CDK14: variants seen among roughly 807,000 people sequenced by gnomAD.
The protein encoded by CDK14 is cyclin dependent kinase 14.
CDK14 carries 34 observed loss-of-function variants against 60.7 expected under a neutral mutation model. The ratio of observed to expected loss-of-function variants is 0.56; its 90% confidence interval spans 0.43 to 0.75. CDK14 has a LOEUF of 0.75. Ranked by LOEUF, CDK14 falls within the 30% of genes least tolerant of loss-of-function variation. The pLI is 0.00. For missense variants in CDK14, 482 were observed against 564.1 expected, an observed-to-expected ratio of 0.85 and a Z score of 1.47; for synonymous variants, 197 against 203.7, an observed-to-expected ratio of 0.97 and a Z score of 0.28.
At chr7:90,781,176 G>A (rs1013415441) in intron 4 of CDK14, among the ~76,000 whole-genome samples, 3 of 152,216 alleles carry the variant, frequency 2.0e-5, no homozygotes. Flanking sequence ...GTGATAGTGA[G>A]CATTTTTTCA....
intron 12 of CDK14, among the ~76,000 whole-genome samples, chr7:91,110,701 A>G (rs1258597754): frequency 6.6e-6 from 1 of 152,122 alleles, no homozygotes; most frequent in Non-Finnish European, 1.5e-5. Flanking sequence ...TTTTAATAAT[A>G]GTTATTTGTC....
chr7:90,900,964 T>C (rs988277205), intron 7 of CDK14, among the ~76,000 whole-genome samples: 18 of 152,180 alleles, frequency 1.2e-4, no homozygotes, highest in Non-Finnish European at 1.9e-4. Context: ...CCACTGACAT[T>C]GATGAATTTT....
chr7:90,860,165 T>C lies in CDK14; in HGVS notation c.545-3010T>C, dbSNP rs750424766. ...TTATGAGTGTATAAATGCTCATATA[T>C]TGATTTAATAAAGGTTTCTGTTACT... On this transcript the variant is annotated intron_variant, in intron 5 of 14. Coordinates refer to ENST00000380050, the MANE Select transcript of CDK14 (RefSeq NM_001287135.2). Among the ~76,000 whole-genome samples the C allele has an allele frequency of 2.0e-3, 302 of 152,236 alleles. 1 individual carries two copies. The highest frequency in any genetic ancestry group is 3.9e-3 in the Non-Finnish European group (262 of 68,018).
At chr7:91,147,390 G>A (rs1800687668) in intron 14 of CDK14, among the ~76,000 whole-genome samples, 1 of 151,910 alleles carries the variant, frequency 6.6e-6, no homozygotes, top group South Asian at 2.1e-4. Context: ...GATGGAAAAT[G>A]TTGGTTTGAC....
chr7:90,623,090 TA>T (rs1799807782), intron 2 of CDK14, among the ~76,000 whole-genome samples: 1 of 151,442 alleles, frequency 6.6e-6, no homozygotes, highest in Non-Finnish European at 1.5e-5. Context: ...TATATATTTT[TA>T]AAAATTCTTT....
chr7:90,986,545 T>G (rs549505534), intron 10 of CDK14, among the ~76,000 whole-genome samples: 29 of 152,136 alleles, frequency 1.9e-4, no homozygotes, highest in African/African-American at 5.8e-4. Flanking sequence ...ATGTACAGTT[T>G]GTATAAACAT....
rs79381398 is a variant in CDK14, at chr7:90,689,040, C to T, written c.124-37527C>T. ...TGCTTGCCTTTGTGGAGCTTGAGCT[C>T]TGTCCTCCACCGCTCCTCCACTGTC... On this transcript the variant is annotated intron_variant, in intron 2 of 14. Transcript: ENST00000380050. 3.6e-3 allele frequency among the ~76,000 whole-genome samples: 543 copies of T among 152,216 alleles called. 3 individuals are homozygous for T. The highest frequency in any genetic ancestry group is 0.012 in the African/African-American group (508 of 41,528).
intron 9 of CDK14, among the ~76,000 whole-genome samples, chr7:90,972,677 T>A (rs1794963649): frequency 6.6e-6 from 1 of 152,250 alleles, no homozygotes; most frequent in Non-Finnish European, 1.5e-5. Flanking sequence ...TCCCTGTGTG[T>A]TAAATTTAGA....
intron 12 of CDK14, among the ~76,000 whole-genome samples, chr7:91,091,996 A>G (rs1428437121): frequency 6.6e-6 from 1 of 152,108 alleles, no homozygotes; most frequent in African/African-American, 2.4e-5. Context: ...AGTTATAAGT[A>G]GTTGGACCCC....
At chr7:90,845,999 C>CT (rs1202182484) in intron 5 of CDK14, among the ~76,000 whole-genome samples, 3 of 152,108 alleles carry the variant, frequency 2.0e-5, no homozygotes, top group Middle Eastern at 6.8e-3. Flanking sequence ...ACTCTCCTGT[C>CT]TTTTTTTATA....
intron 1 of CDK14, among the ~76,000 whole-genome samples, chr7:90,601,946 GTA>G (rs1256779271): frequency 6.6e-6 from 1 of 151,628 alleles, no homozygotes; most frequent in Non-Finnish European, 1.5e-5. Context: ...ATGTATGTAT[GTA>G]TGTATGTATG....
intron 5 of CDK14, among the ~76,000 whole-genome samples, chr7:90,791,160 C>T (rs1028915377): frequency 6.6e-6 from 1 of 151,858 alleles, no homozygotes; most frequent in Non-Finnish European, 1.5e-5. Flanking sequence ...GTGATATTTT[C>T]CTCTAGTCTG....
intron 13 of CDK14, among the ~76,000 whole-genome samples, chr7:91,113,470 G>T (rs1799528950): frequency 6.6e-6 from 1 of 152,150 alleles, no homozygotes; most frequent in Non-Finnish European, 1.5e-5. Context: ...TTCTTCCAGA[G>T]TGTGAAACAG....
intron 14 of CDK14, among the ~76,000 whole-genome samples, chr7:91,180,484 A>T (rs1801967262): frequency 7.3e-6 from 1 of 136,414 alleles, no homozygotes; most frequent in South Asian, 2.1e-4. Flanking sequence ...ATACATGCAT[A>T]GAAAGAAGAC....
intron 10 of CDK14, among the ~76,000 whole-genome samples, chr7:91,017,706 G>A (rs79684429): frequency 0.012 from 1,775 of 152,270 alleles, 43 homozygotes; most frequent in African/African-American, 0.04. Flanking sequence ...GTATCACAGC[G>A]TCTGGAAGGG....
rs202072925 is a variant in CDK14 at position 90,864,129 on chromosome 7, TA to T, written c.639+871del. ...ATTTGAAGTACTTTCCATTTTTCCT[TA>T]AAAAAAAAAAGAATGAATATTTGCA... On this transcript the variant is annotated intron_variant, in intron 6 of 14. Coordinates refer to ENST00000380050, the MANE Select transcript of CDK14 (RefSeq NM_001287135.2). Among the ~76,000 whole-genome samples the T allele has an allele frequency of 6.9e-3, 1,005 of 145,836 alleles. 7 individuals are homozygous for T. The highest frequency in any genetic ancestry group is 0.02 in the African/African-American group (800 of 40,076).
intron 7 of CDK14, among the ~76,000 whole-genome samples, chr7:90,917,237 A>C (rs958527427): frequency 7.2e-5 from 11 of 152,120 alleles, no homozygotes; most frequent in Admixed American, 2.0e-4. Context: ...TAATCTCTAT[A>C]ATATTATGAA....
intron 10 of CDK14, among the ~76,000 whole-genome samples, chr7:91,007,008 C>T (rs1031914070): frequency 1.3e-5 from 2 of 152,298 alleles, no homozygotes; most frequent in Non-Finnish European, 2.9e-5. Flanking sequence ...CATCCTTGTT[C>T]ATACTCAGAG....
At position 90,831,765 on chromosome 7, in the gene CDK14, A is replaced by G. The variant is rs553632815; in HGVS notation, c.545-31410A>G. On this transcript the variant is annotated intron_variant, in intron 5 of 14. Transcript: ENST00000380050. ...GTTAGCAGATTGTCATTCTACCACT[A>G]TCAATCCTCCAGTAGCATTAGTCAT... Among the ~76,000 whole-genome samples the G allele has an allele frequency of 3.3e-5, 5 of 152,118 alleles. 1 individual carries two copies. The South Asian group carries it at 1.0e-3, about 32-fold the overall frequency.
Sources: allele counts gnomAD v4.1 joint callset (sites outside exome capture counted in the v4.1 genomes callset), GRCh38; gene constraint gnomAD v4.1.1; transcripts MANE v1.5; gene names NCBI Gene and HGNC (gene_info 2026-07-23, HGNC 2026-07-21).